The following PHACTR1 variants were observed in gnomAD, a reference collection of about 807,000 sequenced individuals.
PHACTR1 encodes RPEL repeat containing 1.
Under a neutral mutation model 69.2 loss-of-function variants are expected in PHACTR1, and 16 were observed. That is an observed-to-expected ratio of 0.23 (90% CI 0.16 to 0.35). The LOEUF is 0.35. PHACTR1 is among the 10% of genes least tolerant of loss of function. PHACTR1 has a pLI of 1.00. For missense variants in PHACTR1, 510 were observed against 734.7 expected (o/e 0.69, Z 3.54); for synonymous variants, 312 against 284.5 (o/e 1.10, Z -0.97).
At chr6:12,905,236 G>C (rs1242609909) in intron 4 of PHACTR1, among the ~76,000 whole-genome samples, 2 of 152,190 alleles carry the variant, frequency 1.3e-5, no homozygotes. Flanking sequence ...TGCAGGACCA[G>C]TGTCCTCATA....
intron 10 of PHACTR1, among the ~76,000 whole-genome samples, chr6:13,240,673 C>G (rs1385922985): frequency 6.6e-6 from 1 of 152,084 alleles, no homozygotes; most frequent in East Asian, 1.9e-4. Context: ...TCTCAAACTC[C>G]TGGACTCAAG....
At chr6:13,015,410 G>A (rs1276081166) in intron 4 of PHACTR1, among the ~76,000 whole-genome samples, 1 of 152,174 alleles carries the variant, frequency 6.6e-6, no homozygotes, top group African/African-American at 2.4e-5. Flanking sequence ...ACGTTTCTGA[G>A]AAGCACACAC....
At chr6:13,029,656 T>C (rs1403369864) in intron 4 of PHACTR1, among the ~76,000 whole-genome samples, 3 of 152,228 alleles carry the variant, frequency 2.0e-5, no homozygotes, top group Non-Finnish European at 4.4e-5. Context: ...TTACATATTA[T>C]TGAAGAGTTT....
chr6:12,918,897 A>T (rs958483747), intron 4 of PHACTR1, among the ~76,000 whole-genome samples: 2 of 152,232 alleles, frequency 1.3e-5, no homozygotes, highest in Non-Finnish European at 2.9e-5. Flanking sequence ...GTGGTAGTCC[A>T]GGAACAAGAA....
intron 3 of PHACTR1, among the ~76,000 whole-genome samples, chr6:12,720,874 G>T (rs1161443762): frequency 6.6e-6 from 1 of 152,172 alleles, no homozygotes; most frequent in East Asian, 1.9e-4. Context: ...CCTCACAACA[G>T]GAACATTGTA....
At chr6:13,044,451 T>C (rs1804697668) in intron 4 of PHACTR1, among the ~76,000 whole-genome samples, 1 of 152,208 alleles carries the variant, frequency 6.6e-6, no homozygotes, top group Non-Finnish European at 1.5e-5. Flanking sequence ...GCATTGAGTC[T>C]CATTGCCTGG....
intron 8 of PHACTR1, among the ~76,000 whole-genome samples, chr6:13,213,474 G>T (rs1377946750): frequency 6.6e-6 from 1 of 152,144 alleles, no homozygotes; most frequent in Admixed American, 6.6e-5. Context: ...ACTTGCAACA[G>T]GTTATGTGTT....
chr6:13,187,635 A>G (rs1424770166), intron 7 of PHACTR1, among the ~76,000 whole-genome samples: 1 of 152,202 alleles, frequency 6.6e-6, no homozygotes, highest in Non-Finnish European at 1.5e-5. Flanking sequence ...ACCATGTAGA[A>G]GGAGCAGAAA....
intron 4 of PHACTR1, among the ~76,000 whole-genome samples, chr6:12,984,341 GTTT>G (rs945248465): frequency 4.6e-5 from 7 of 152,146 alleles, no homozygotes; most frequent in African/African-American, 1.7e-4. Context: ...TGTTGTTGTT[GTTT>G]TTTGGAAATT....
At chr6:12,845,439 C>CCCCCCG (rs1779158217) in intron 4 of PHACTR1, among the ~76,000 whole-genome samples, 1 of 73,146 alleles carries the variant, frequency 1.4e-5, no homozygotes, top group Non-Finnish European at 3.0e-5. Context: ...ACCCCCCCCC[C>CCCCCCG]CCCCGCCCTC....
At chr6:13,152,854 C>T (rs956180308) in intron 5 of PHACTR1, among the ~76,000 whole-genome samples, 3 of 152,090 alleles carry the variant, frequency 2.0e-5, no homozygotes, top group Non-Finnish European at 4.4e-5. Flanking sequence ...AAAATGTGGG[C>T]GTGAGCCTTG....
At chr6:12,939,224 A>G (rs1489500762) in intron 4 of PHACTR1, among the ~76,000 whole-genome samples, 2 of 152,204 alleles carry the variant, frequency 1.3e-5, no homozygotes, top group African/African-American at 4.8e-5. Context: ...AAAGCCTTTA[A>G]TTTAGATGTC....
At chr6:12,989,951 G>A (rs1446691222) in intron 4 of PHACTR1, among the ~76,000 whole-genome samples, 1 of 152,156 alleles carries the variant, frequency 6.6e-6, no homozygotes, top group Non-Finnish European at 1.5e-5. Context: ...TTCTAAAGGA[G>A]TGTCTTTCTC....
At chr6:12,965,016 G>A (rs1026731312) in intron 4 of PHACTR1, among the ~76,000 whole-genome samples, 1 of 152,074 alleles carries the variant, frequency 6.6e-6, no homozygotes, top group Non-Finnish European at 1.5e-5. Context: ...AATAGTGTCC[G>A]TAGTATTTGC....
At chr6:12,830,040 A>G (rs1374851876) in intron 4 of PHACTR1, among the ~76,000 whole-genome samples, 1 of 143,764 alleles carries the variant, frequency 7.0e-6, no homozygotes, top group Non-Finnish European at 1.5e-5. Flanking sequence ...GAAAGGAAAG[A>G]AAAGAAAGAA....
intron 4 of PHACTR1, among the ~76,000 whole-genome samples, chr6:12,756,715 A>G (rs1767368288): frequency 6.6e-6 from 1 of 152,252 alleles, no homozygotes; most frequent in Non-Finnish European, 1.5e-5. Context: ...CTGTAACTGT[A>G]GATGAGACTT....
chr6:13,057,302 G>C (rs947834251), intron 5 of PHACTR1, among the ~76,000 whole-genome samples: 1 of 152,006 alleles, frequency 6.6e-6, no homozygotes, highest in African/African-American at 2.4e-5. Flanking sequence ...AAGGAAAAAG[G>C]GGTTCAGGGG....
intron 5 of PHACTR1, among the ~76,000 whole-genome samples, chr6:13,140,319 G>C (rs1052802239): frequency 6.8e-6 from 1 of 146,682 alleles, no homozygotes; most frequent in Admixed American, 7.3e-5. Flanking sequence ...GTATCTCGGA[G>C]AGAGAGATGC....
intron 5 of PHACTR1, among the ~76,000 whole-genome samples, chr6:13,073,331 A>ATTTT (rs10664160): frequency 0.14 from 9,408 of 65,690 alleles, 2,814 homozygotes; most frequent in East Asian, 0.32. Flanking sequence ...CATTCCATGA[A>ATTTT]TTTTTTTTTT....
Sources: allele counts gnomAD v4.1 joint callset (sites outside exome capture counted in the v4.1 genomes callset), GRCh38; gene constraint gnomAD v4.1.1; transcripts MANE v1.5; gene names NCBI Gene and HGNC (gene_info 2026-07-23, HGNC 2026-07-21).